The following GGACT variants were observed in gnomAD, a reference collection of about 807,000 sequenced individuals.
GGACT encodes gamma-glutamylaminecyclotransferase.
For synonymous variants in GGACT, 118 were observed against 115.3 expected, an observed-to-expected ratio of 1.02 and a Z score of -0.15; for missense variants, 241 against 233.2, an observed-to-expected ratio of 1.03 and a Z score of -0.22.
chr13:100,552,999 A>G (rs2088679136), intron 2 of GGACT, among the ~76,000 whole-genome samples: 1 of 139,226 alleles, frequency 7.2e-6, no homozygotes, highest in African/African-American at 2.7e-5. Flanking sequence ...TGGGGAGGGG[A>G]GGGGGACCTG....
intron 2 of GGACT, chr13:100,533,853 C>T (rs972848362): frequency 1.6e-4 from 25 of 152,286 alleles, no homozygotes; most frequent in African/African-American, 4.8e-4. Context: ...GGGTGGGGGC[C>T]GCTCTCCCCG....
intron 2 of GGACT, among the ~76,000 whole-genome samples, chr13:100,562,946 A>G (rs1308064925): frequency 6.6e-6 from 1 of 152,114 alleles, no homozygotes; most frequent in Non-Finnish European, 1.5e-5. Flanking sequence ...TGTGCTAAAA[A>G]AGAAAGCAAG....
At chr13:100,566,321 G>C (rs1050927597) in intron 2 of GGACT, among the ~76,000 whole-genome samples, 1 of 152,198 alleles carries the variant, frequency 6.6e-6, no homozygotes, top group Admixed American at 6.5e-5. Context: ...TGCTCACAAA[G>C]GCCAGTTGCC....
chr13:100,579,356 GTC>G (rs1302516056), intron 2 of GGACT, among the ~76,000 whole-genome samples: 1 of 152,152 alleles, frequency 6.6e-6, no homozygotes, highest in Non-Finnish European at 1.5e-5. Flanking sequence ...CAGCAGCTCA[GTC>G]TCTCTGACTT....
intron 2 of GGACT, chr13:100,538,980 A>G (rs1301970197): frequency 6.6e-6 from 1 of 152,198 alleles, no homozygotes; most frequent in Non-Finnish European, 1.5e-5. Context: ...TTTTGATGCT[A>G]TCATAAATGG....
At chr13:100,541,315 C>T (rs1022327458) in intron 2 of GGACT, among the ~76,000 whole-genome samples, 31 of 151,750 alleles carry the variant, frequency 2.0e-4, no homozygotes, top group Admixed American at 2.0e-3. Flanking sequence ...TGTGCCATAA[C>T]AGGCCTGACT....
chr13:100,551,886 G>C (rs2088667867), intron 2 of GGACT, among the ~76,000 whole-genome samples: 1 of 152,214 alleles, frequency 6.6e-6, no homozygotes, highest in Non-Finnish European at 1.5e-5. Context: ...CTGTCTCTCA[G>C]AGGGGGCAAG....
In GGACT at chr13:100,532,566, G is replaced by C; in HGVS notation, c.26C>G (p.Thr9Ser). MALVFVYG[T>S]LKRGQPNHRV... ...GTGGTTGGGCTGACCCCGCTTCAGG[G>C]TGCCGTACACGAAGACTAGGGCCAT... Residue 9 changes from threonine to serine, a missense_variant, in exon 3 of 3, where the codon ACC becomes AGC. Thr to Ser is a moderately conservative substitution (Grantham distance 58). Coordinates refer to ENST00000683975, the MANE Select transcript of GGACT (RefSeq NM_001195087.2). 1 of 1,546,658 alleles carries C rather than the reference G, an allele frequency of 6.5e-7. No individual in the cohort carries two copies. Among genetic ancestry groups the C allele is most frequent in the South Asian group, 1.2e-5 (1 of 83,810 alleles).
intron 2 of GGACT, among the ~76,000 whole-genome samples, chr13:100,578,207 A>C (rs1268894754): frequency 6.6e-6 from 1 of 152,170 alleles, no homozygotes; most frequent in African/African-American, 2.4e-5. Context: ...CTACAGCTCT[A>C]ATCTCAAACA....
chr13:100,571,741 G>A (rs775174771), intron 2 of GGACT, among the ~76,000 whole-genome samples: 1 of 152,158 alleles, frequency 6.6e-6, no homozygotes, highest in Non-Finnish European at 1.5e-5. Context: ...CCCTACAAAT[G>A]GGGATAATAA....
chr13:100,582,283 T>G (rs1037298189), intron 2 of GGACT, among the ~76,000 whole-genome samples: 2 of 152,182 alleles, frequency 1.3e-5, no homozygotes, highest in African/African-American at 4.8e-5. Flanking sequence ...AAACTTATGA[T>G]GACCTACAGA....
chr13:100,553,852 A>AAAG (rs1219983172), intron 2 of GGACT, among the ~76,000 whole-genome samples: 2 of 151,482 alleles, frequency 1.3e-5, no homozygotes, highest in East Asian at 3.9e-4. Flanking sequence ...TCAAAAAAAA[A>AAAG]AAAAAAAAGG....
chr13:100,558,112 G>A (rs776195920), intron 2 of GGACT, among the ~76,000 whole-genome samples: 4 of 151,366 alleles, frequency 2.6e-5, no homozygotes, highest in South Asian at 2.1e-4. Flanking sequence ...CCCAGGAGGC[G>A]GAGGTTGCAG....
intron 2 of GGACT, among the ~76,000 whole-genome samples, chr13:100,556,434 C>G (rs771838963): frequency 6.6e-6 from 1 of 152,120 alleles, no homozygotes; most frequent in Non-Finnish European, 1.5e-5. Flanking sequence ...ATGTGCAAGA[C>G]CTGTGCACTG....
chr13:100,543,524 A>T (rs2088574549), intron 2 of GGACT, among the ~76,000 whole-genome samples: 1 of 152,116 alleles, frequency 6.6e-6, no homozygotes, highest in Non-Finnish European at 1.5e-5. Flanking sequence ...TTCTAACATA[A>T]AAACCACCTT....
intron 2 of GGACT, chr13:100,539,726 T>C: frequency 1.6e-6 from 1 of 610,122 alleles, no homozygotes; most frequent in Non-Finnish European, 2.9e-6. Flanking sequence ...TGTTCCTTCT[T>C]CTTCATTCTT....
At chr13:100,568,625 C>T (rs187972760) in intron 2 of GGACT, among the ~76,000 whole-genome samples, 1 of 152,312 alleles carries the variant, frequency 6.6e-6, no homozygotes, top group East Asian at 1.9e-4. Context: ...CAAACCATAA[C>T]ATCCCACTGC....
chr13:100,580,712 G>C (rs894309236), intron 2 of GGACT, among the ~76,000 whole-genome samples: 1 of 152,208 alleles, frequency 6.6e-6, no homozygotes, highest in Non-Finnish European at 1.5e-5. Flanking sequence ...TGGAAGAACT[G>C]CCAGGGGGAA....
chr13:100,561,131 G>C (rs1173979494), intron 2 of GGACT, among the ~76,000 whole-genome samples: 1 of 152,040 alleles, frequency 6.6e-6, no homozygotes, highest in African/African-American at 2.4e-5. Flanking sequence ...CCCCGCCCCG[G>C]GCATTTTAAC....
Sources: gnomAD v4.1 joint callset for allele counts (sites outside exome capture counted in the v4.1 genomes callset) on GRCh38, gnomAD v4.1.1 for gene constraint, MANE v1.5 for transcripts, NCBI Gene and HGNC (gene_info 2026-07-23, HGNC 2026-07-21) for gene names.